Variants in SLC3A1 observed in about 807,000 individuals in gnomAD.
SLC3A1 encodes the protein solute carrier family 3 member 1.
Under a neutral mutation model 60.3 loss-of-function variants are expected in SLC3A1, and 78 were observed. That is an observed-to-expected ratio of 1.29 (90% CI 1.08 to 1.56). SLC3A1 has a LOEUF of 1.56. SLC3A1 is among the 40% of genes most tolerant of loss of function. The pLI, the probability that SLC3A1 is intolerant of heterozygous loss-of-function variation, is 0.00. For missense variants in SLC3A1, 1,172 were observed against 858.9 expected, an observed-to-expected ratio of 1.36 and a Z score of -4.56; for synonymous variants, 392 against 307.9, an observed-to-expected ratio of 1.27 and a Z score of -2.86.
At chr2:44,275,988 G>C in intron 1 of SLC3A1, 23 bp downstream of exon 1, 1 of 1,607,930 alleles carries the variant, frequency 6.2e-7, no homozygotes, top group Non-Finnish European at 8.5e-7. Context: ...AGATCATTTA[G>C]GGTGGGTGCC....
Position 44,320,452 on chromosome 2 carries a change from C to A in SLC3A1, c.1871C>A (p.Thr624Asn). Reference protein sequence around the residue: ...LPAKMRIRLSTNSADKGSKVD... With the variant: ...LPAKMRIRLSNNSADKGSKVD... ...GCTAAAATGAGAATAAGGTTAAGTA[C>A]CAATTCTGCCGACAAAGGCAGTAAA... is the stretch of plus-strand genomic sequence containing the variant. Residue 624 changes from threonine to asparagine, a missense_variant, in exon 10 of 10, where the codon ACC becomes AAC. Transcript: ENST00000260649. 1 of 1,614,126 alleles carries A rather than the reference C, an allele frequency of 6.2e-7. No homozygotes were observed. Among genetic ancestry groups the A allele is most frequent in the Non-Finnish European group, 8.5e-7 (1 of 1,179,976 alleles).
intron 8 of SLC3A1, among the ~76,000 whole-genome samples, chr2:44,313,041 G>A (rs112638904): frequency 6.6e-6 from 1 of 151,930 alleles, no homozygotes; most frequent in Non-Finnish European, 1.5e-5. Context: ...TATTTTGCCA[G>A]GAATACTGTG....
intron 7 of SLC3A1, among the ~76,000 whole-genome samples, chr2:44,307,212 C>T (rs1229794212): frequency 6.6e-6 from 1 of 152,156 alleles, no homozygotes; most frequent in African/African-American, 2.4e-5. Context: ...TAGTAACTTC[C>T]ATAAAGCCCA....
chr2:44,321,385 C>T lies in SLC3A1; in HGVS notation c.*746C>T, dbSNP rs892455452. On this transcript the variant is annotated 3_prime_UTR_variant, in exon 10 of 10. Transcript: ENST00000260649. ...AATTTCAGGTATTTCTTAAGATCCT[C>T]GAAAACACTGGTGCTGTCAAGTCCA... 30 of 1,611,948 alleles carry T rather than the reference C, an allele frequency of 1.9e-5. No individual in the cohort carries two copies. The highest frequency in any genetic ancestry group is 2.2e-5 in the East Asian group (1 of 44,862).
chr2:44,318,680 CTG>C (rs797007660), intron 9 of SLC3A1: 1 of 151,908 alleles, frequency 6.6e-6, no homozygotes, highest in African/African-American at 2.4e-5. Context: ...CTGAGGGGAA[CTG>C]TGAAGCTATG....
At chr2:44,303,473 G>C (rs1289145463) in intron 6 of SLC3A1, among the ~76,000 whole-genome samples, 1 of 151,864 alleles carries the variant, frequency 6.6e-6, no homozygotes, top group Non-Finnish European at 1.5e-5. Context: ...CTGACCTCAA[G>C]TTATCCACCT....
At position 44,286,042 on chromosome 2, in the gene SLC3A1, AT is replaced by A; in HGVS notation, c.777del (p.Tyr259Ter). ...TIPPNNWLSVYGNSSWHFDEV... is the reference protein window; with the variant it reads ...TIPPNNWLSVXGNSSWHFDEV... Reference sequence around the variant, plus strand: ...TTCTTTGTTTGCCAGTTAAGTGTGTATGGAAACTCCAGTTGGCACTTTGACG... The same window carrying A: ...TTCTTTGTTTGCCAGTTAAGTGTGTAGGAAACTCCAGTTGGCACTTTGACG... On this transcript the variant is annotated frameshift_variant, in exon 4 of 10. Coordinates refer to ENST00000260649, the MANE Select transcript of SLC3A1 (RefSeq NM_000341.4). LOFTEE classifies it high-confidence loss of function. 6.2e-7 allele frequency: 1 copy of A among 1,614,174 alleles called. No individual in the cohort carries two copies.
At chr2:44,285,755 A>T in intron 3 of SLC3A1, 1 of 604,572 alleles carries the variant, frequency 1.7e-6, no homozygotes, top group South Asian at 1.5e-5. Context: ...TCAGTTCCTT[A>T]AGTTGACCTT....
intron 7 of SLC3A1, among the ~76,000 whole-genome samples, chr2:44,310,516 A>G (rs1265517524): frequency 6.6e-6 from 1 of 152,118 alleles, no homozygotes; most frequent in Non-Finnish European, 1.5e-5. Context: ...AATCTTATTG[A>G]GACTCCTTAC....
intron 7 of SLC3A1, among the ~76,000 whole-genome samples, chr2:44,305,127 G>A (rs956835117): frequency 6.6e-6 from 1 of 152,072 alleles, no homozygotes; most frequent in South Asian, 2.1e-4. Context: ...GAGCTACCAC[G>A]CCCAGCACTA....
At position 44,320,860 on chromosome 2, in the gene SLC3A1, A is replaced by G. The variant is rs564137397; in HGVS notation, c.*221A>G. The G allele has an allele frequency of 3.6e-6, 2 of 561,788 alleles. No homozygotes were observed. Among genetic ancestry groups the G allele is most frequent in the Non-Finnish European group, 6.3e-6 (2 of 315,598 alleles). 34.8% of individuals were successfully genotyped at this position (561,788 alleles called of 1,614,324 possible). A position where few individuals can be genotyped will look rare whatever the true frequency, so the allele number is the denominator to read the frequency against. On this transcript the variant is annotated 3_prime_UTR_variant, in exon 10 of 10. Transcript: ENST00000260649. Reference sequence around the variant, plus strand: ...TAGGAGCTTATAACTTTATTCAGATAGCATCAATCAGGGATGACCAGAACA... The same window carrying G: ...TAGGAGCTTATAACTTTATTCAGATGGCATCAATCAGGGATGACCAGAACA...
intron 3 of SLC3A1, among the ~76,000 whole-genome samples, chr2:44,282,878 G>A (rs1193974655): frequency 6.6e-6 from 1 of 151,942 alleles, no homozygotes; most frequent in Non-Finnish European, 1.5e-5. Flanking sequence ...GGCTGGTCTT[G>A]AACTCCTGGG....
At chr2:44,301,272 G>T in intron 6 of SLC3A1, 145 bp downstream of exon 6, 2 of 1,038,502 alleles carry the variant, frequency 1.9e-6, no homozygotes, top group Non-Finnish European at 2.9e-6. Flanking sequence ...GGTTGTACCA[G>T]GGCCTGCCAT....
At chr2:44,288,688 C>G (rs1671671271) in intron 4 of SLC3A1, among the ~76,000 whole-genome samples, 1 of 152,146 alleles carries the variant, frequency 6.6e-6, no homozygotes, top group African/African-American at 2.4e-5. Flanking sequence ...TTACAGTCAC[C>G]CTAGTGGGTA....
Position 44,306,184 on chromosome 2 carries a change from C to T in SLC3A1, c.1332+1846C>T, listed in dbSNP as rs183800099. Among the ~76,000 whole-genome samples the T allele has an allele frequency of 7.6e-4, 116 of 152,266 alleles. 1 individual carries two copies. The highest frequency in any genetic ancestry group is 2.8e-3 in the African/African-American group (116 of 41,550). ...CTAGTCAATATCTTCTGTTGTACCC[C>T]CACAATACCTGTAGGTTTGATCTGG... On this transcript the variant is annotated intron_variant, in intron 7 of 9. Transcript: ENST00000260649.
chr2:44,309,399 CCTT>C (rs1235268057), intron 7 of SLC3A1, among the ~76,000 whole-genome samples: 20 of 152,176 alleles, frequency 1.3e-4, no homozygotes, highest in African/African-American at 4.6e-4. Flanking sequence ...AGATCTTACT[CCTT>C]CTTATGACTG....
chr2:44,316,271 ATATAAG>A (rs1003147000), intron 9 of SLC3A1: 37 of 152,356 alleles, frequency 2.4e-4, no homozygotes, highest in African/African-American at 7.7e-4. Flanking sequence ...TAAGACTTAA[ATATAAG>A]TATAAATACC....
At chr2:44,306,930 ATG>A (rs1672172946) in intron 7 of SLC3A1, among the ~76,000 whole-genome samples, 1 of 152,084 alleles carries the variant, frequency 6.6e-6, no homozygotes, top group Non-Finnish European at 1.5e-5. Flanking sequence ...ACCATCACCA[ATG>A]TCTCATTCCA....
At chr2:44,283,967 GT>G (rs1450468364) in intron 3 of SLC3A1, among the ~76,000 whole-genome samples, 1 of 151,996 alleles carries the variant, frequency 6.6e-6, no homozygotes, top group African/African-American at 2.4e-5. Context: ...ACAATCCATG[GT>G]TTACTTATCC....
Sources: gnomAD v4.1 joint callset for allele counts (sites outside exome capture counted in the v4.1 genomes callset) on GRCh38, gnomAD v4.1.1 for gene constraint, MANE v1.5 for transcripts, NCBI Gene and HGNC (gene_info 2026-07-23, HGNC 2026-07-21) for gene names.